Variants in TWSG1 observed in about 807,000 individuals in gnomAD.
The protein encoded by TWSG1 is twisted gastrulation protein homolog 1.
TWSG1 carries 15 observed loss-of-function variants against 23.0 expected under a neutral mutation model. The observed-to-expected ratio is 0.65, with a 90% confidence interval of 0.44 to 1.00. The LOEUF (loss-of-function observed/expected upper bound fraction) is 1.00. Among genes scored for constraint, TWSG1 ranks in the 50% least tolerant of loss-of-function variants. The pLI is 0.00. For synonymous variants in TWSG1, 86 were observed against 92.8 expected, an observed-to-expected ratio of 0.93 and a Z score of 0.42; for missense variants, 242 against 278.7, an observed-to-expected ratio of 0.87 and a Z score of 0.94.
chr18:9,362,282 A>C (rs1283759221), intron 3 of TWSG1, among the ~76,000 whole-genome samples: 1 of 152,116 alleles, frequency 6.6e-6, no homozygotes, highest in Non-Finnish European at 1.5e-5. Context: ...ATCATGGCTC[A>C]CTGCAGGCTC....
chr18:9,352,654 T>C (rs1031660615), intron 2 of TWSG1, among the ~76,000 whole-genome samples: 5 of 152,232 alleles, frequency 3.3e-5, no homozygotes, highest in Non-Finnish European at 7.3e-5. Flanking sequence ...TTGTTTTCAA[T>C]GACGTTTCCT....
chr18:9,379,275 C>T (rs191771006), intron 3 of TWSG1, among the ~76,000 whole-genome samples: 10 of 152,228 alleles, frequency 6.6e-5, no homozygotes, highest in South Asian at 4.2e-4. Context: ...AAATGCCCAT[C>T]GATGGTAGAC....
chr18:9,392,737 T>A (rs1473071456), intron 3 of TWSG1, among the ~76,000 whole-genome samples: 2 of 152,192 alleles, frequency 1.3e-5, no homozygotes, highest in Non-Finnish European at 2.9e-5. Flanking sequence ...AATACTGGGT[T>A]ATTTGTTTGT....
intron 3 of TWSG1, among the ~76,000 whole-genome samples, chr18:9,373,625 C>A (rs977314372): frequency 1.3e-5 from 2 of 152,166 alleles, no homozygotes; most frequent in Non-Finnish European, 2.9e-5. Context: ...AGACTTCAAC[C>A]CCCCTCAACC....
chr18:9,374,896 G>T (rs189401886), intron 3 of TWSG1, among the ~76,000 whole-genome samples: 1 of 152,112 alleles, frequency 6.6e-6, no homozygotes, highest in Admixed American at 6.5e-5. Context: ...GGTGTGGTGC[G>T]GTGGCTCACG....
Position 9,399,729 on chromosome 18 carries a change from C to A in TWSG1, c.*202C>A. On this transcript the variant is annotated 3_prime_UTR_variant, in exon 5 of 5. Transcript: ENST00000262120. ...TCTTACTGATTTTATTGCCCCCTAG[C>A]AATAAGCCCTTTCCTTTGAATACAT... 2.1e-6 allele frequency: 1 copy of A among 466,188 alleles called. No individual in the cohort carries two copies. Among genetic ancestry groups the A allele is most frequent in the Non-Finnish European group, 3.7e-6 (1 of 269,498 alleles). The allele number at this position is 466,188 out of a possible 1,614,324, so 28.9% of individuals were successfully genotyped here. A position where few individuals can be genotyped will look rare whatever the true frequency, so the allele number is the denominator to read the frequency against.
intron 3 of TWSG1, among the ~76,000 whole-genome samples, chr18:9,374,905 C>T (rs961374866): frequency 6.6e-6 from 1 of 152,140 alleles, no homozygotes; most frequent in Non-Finnish European, 1.5e-5. Flanking sequence ...CGGTGGCTCA[C>T]GCCTGTAATC....
intron 3 of TWSG1, among the ~76,000 whole-genome samples, chr18:9,367,435 C>T (rs549796365): frequency 1.7e-4 from 26 of 152,186 alleles, no homozygotes; most frequent in South Asian, 6.2e-4. Context: ...TGAAATCATG[C>T]GGTATTTGCC....
At chr18:9,387,509 A>T (rs995271243) in intron 3 of TWSG1, among the ~76,000 whole-genome samples, 1 of 152,134 alleles carries the variant, frequency 6.6e-6, no homozygotes, top group Non-Finnish European at 1.5e-5. Flanking sequence ...GCTCATGCGT[A>T]ATCCCAGCAC....
chr18:9,338,151 A>T (rs2040430990), intron 2 of TWSG1, among the ~76,000 whole-genome samples: 1 of 152,248 alleles, frequency 6.6e-6, no homozygotes. Context: ...ACATGACTGT[A>T]ACCCTCACTT....
intron 3 of TWSG1, among the ~76,000 whole-genome samples, chr18:9,390,253 C>G (rs962948419): frequency 6.6e-6 from 1 of 151,996 alleles, no homozygotes; most frequent in Non-Finnish European, 1.5e-5. Flanking sequence ...CTCCGCCCCT[C>G]CAGGTTCACG....
At chr18:9,357,436 C>CTT (rs2040531978) in intron 2 of TWSG1, among the ~76,000 whole-genome samples, 1 of 152,070 alleles carries the variant, frequency 6.6e-6, no homozygotes, top group South Asian at 2.1e-4. Context: ...GAATTAAAAT[C>CTT]GGTGCTGCAA....
intron 3 of TWSG1, among the ~76,000 whole-genome samples, chr18:9,366,159 T>C (rs1011444678): frequency 6.6e-6 from 1 of 152,214 alleles, no homozygotes. Flanking sequence ...AATAGCAGAT[T>C]CTTTATAGTA....
At chr18:9,373,610 G>T (rs2040616053) in intron 3 of TWSG1, among the ~76,000 whole-genome samples, 1 of 152,188 alleles carries the variant, frequency 6.6e-6, no homozygotes, top group Non-Finnish European at 1.5e-5. Context: ...CACTCTTATA[G>T]TTGAAGACTT....
chr18:9,367,250 A>G (rs1211960710), intron 3 of TWSG1, among the ~76,000 whole-genome samples: 1 of 152,142 alleles, frequency 6.6e-6, no homozygotes, highest in Non-Finnish European at 1.5e-5. Flanking sequence ...TCAAGAATAT[A>G]ATACATTGTT....
At chr18:9,371,883 A>G (rs971224148) in intron 3 of TWSG1, among the ~76,000 whole-genome samples, 1 of 147,866 alleles carries the variant, frequency 6.8e-6, no homozygotes, top group African/African-American at 2.5e-5. Flanking sequence ...CTCCTGCCTC[A>G]GCCTCCTGAG....
intron 3 of TWSG1, among the ~76,000 whole-genome samples, chr18:9,366,335 G>A (rs908037834): frequency 6.6e-6 from 1 of 152,180 alleles, no homozygotes; most frequent in African/African-American, 2.4e-5. Context: ...GGGGCACAGG[G>A]AAAGAGCCGG....
rs987488397 is a variant in TWSG1 at position 9,399,785 on chromosome 18, C to T, written c.*258C>T. The T allele has an allele frequency of 2.1e-5, 6 of 286,122 alleles. No homozygotes were observed. Among genetic ancestry groups the T allele is most frequent in the African/African-American group, 1.1e-4 (5 of 45,698 alleles). 17.7% of individuals were successfully genotyped at this position (286,122 alleles called of 1,614,324 possible). A position where few individuals can be genotyped will look rare whatever the true frequency, so the allele number is the denominator to read the frequency against. On this transcript the variant is annotated 3_prime_UTR_variant, in exon 5 of 5. Coordinates refer to ENST00000262120, the MANE Select transcript of TWSG1 (RefSeq NM_020648.6). ...ACTTTGGTCATATGAGAAGCAGGTG[C>T]GCAGAGAATTCCTTGAAAGATCTGA... is the stretch of plus-strand genomic sequence containing the variant.
intron 2 of TWSG1, among the ~76,000 whole-genome samples, chr18:9,343,213 TATATA>T (rs1568030707): frequency 4.4e-3 from 8 of 1,810 alleles, no homozygotes; most frequent in African/African-American, 6.7e-3. Context: ...TTTTTTGTTA[TATATA>T]TATATATATA....
Sources: allele counts gnomAD v4.1 joint callset (sites outside exome capture counted in the v4.1 genomes callset), GRCh38; gene constraint gnomAD v4.1.1; transcripts MANE v1.5; gene names NCBI Gene and HGNC (gene_info 2026-07-23, HGNC 2026-07-21).